Variants in STAG1 observed in about 807,000 individuals in gnomAD.
The protein encoded by STAG1 is cohesin subunit SA-1.
A neutral mutation model predicts 170.9 loss-of-function variants in STAG1; 26 were observed. That is an observed-to-expected ratio of 0.15 (90% CI 0.11 to 0.21). The LOEUF (loss-of-function observed/expected upper bound fraction) is 0.21, where lower values mean the gene tolerates loss of function less well. Among genes scored for constraint, STAG1 ranks in the 10% least tolerant of loss-of-function variants. The pLI is 1.00. For missense variants in STAG1, 964 were observed against 1,509.5 expected (o/e 0.64, Z 5.99); for synonymous variants, 514 against 497.7 (o/e 1.03, Z -0.44).
chr3:136,343,264 CAG>C (rs1466354120), intron 30 of STAG1, among the ~76,000 whole-genome samples: 1 of 152,172 alleles, frequency 6.6e-6, no homozygotes, highest in South Asian at 2.1e-4. Flanking sequence ...CTACAATTTT[CAG>C]AGGTCTGTGT....
chr3:136,673,637 A>C (rs112808127), intron 1 of STAG1, among the ~76,000 whole-genome samples: 177 of 152,262 alleles, frequency 1.2e-3, no homozygotes, highest in African/African-American at 2.5e-3. Context: ...TTATCATAAC[A>C]ATTATCTAAA....
chr3:136,644,941 G>A (rs1435323970), intron 1 of STAG1, among the ~76,000 whole-genome samples: 1 of 151,986 alleles, frequency 6.6e-6, no homozygotes, highest in Non-Finnish European at 1.5e-5. Flanking sequence ...TATTGCCCAG[G>A]CTGGTGTCGA....
chr3:136,485,245 C>T (rs1000869337), intron 9 of STAG1, among the ~76,000 whole-genome samples: 8 of 152,130 alleles, frequency 5.3e-5, no homozygotes, highest in Non-Finnish European at 7.3e-5. Context: ...ATCACGAAGT[C>T]AGGAGATCGA....
chr3:136,646,733 C>A (rs1029836605), intron 1 of STAG1, among the ~76,000 whole-genome samples: 5 of 152,028 alleles, frequency 3.3e-5, no homozygotes, highest in Admixed American at 2.0e-4. Flanking sequence ...TGGTGAAACT[C>A]CGTCTCCAGT....
chr3:136,672,356 T>C (rs1444335912), intron 1 of STAG1, among the ~76,000 whole-genome samples: 1 of 152,198 alleles, frequency 6.6e-6, no homozygotes, highest in Non-Finnish European at 1.5e-5. Flanking sequence ...GAGGGTTAAA[T>C]AATAAAAATA....
chr3:136,443,503 CTTGG>C (rs2088690611), intron 14 of STAG1, 99 bp from the exon 15 acceptor site: 1 of 857,410 alleles, frequency 1.2e-6, no homozygotes, highest in African/African-American at 1.7e-5. Context: ...ATTAAAATGG[CTTGG>C]TTTCCATGAT....
chr3:136,534,905 C>CA (rs1935547798), intron 6 of STAG1, among the ~76,000 whole-genome samples: 1 of 152,054 alleles, frequency 6.6e-6, no homozygotes, highest in Non-Finnish European at 1.5e-5. Flanking sequence ...CGTATTTATC[C>CA]AAAGGAAAAG....
At chr3:136,568,162 C>T (rs1373378817) in intron 5 of STAG1, among the ~76,000 whole-genome samples, 1 of 152,040 alleles carries the variant, frequency 6.6e-6, no homozygotes, top group Non-Finnish European at 1.5e-5. Flanking sequence ...TATTCACAAG[C>T]AGAGAATGGT....
chr3:136,343,983 G>A lies in STAG1; in HGVS notation c.3295C>T (p.Leu1099=). 6.3e-7 allele frequency: 1 copy of A among 1,596,154 alleles called. No homozygotes were observed. The highest frequency in any genetic ancestry group is 8.5e-7 in the Non-Finnish European group (1 of 1,173,856). ...TGAATCATGGTGTCAGTCCTGTTTA[G>A]CCATGTGTTATCCAGACTCTCATCT... ...VEDESLDNTW[L]NRTDTMIQTP... is the part of the protein sequence containing the mutation. Residue 1099 remains leucine, a synonymous_variant, in exon 30 of 34, where the codon CTA becomes TTA. Transcript: ENST00000383202.
At chr3:136,561,173 C>T (rs1180818314) in intron 5 of STAG1, among the ~76,000 whole-genome samples, 1 of 152,112 alleles carries the variant, frequency 6.6e-6, no homozygotes, top group East Asian at 1.9e-4. Context: ...AAAAAATTTC[C>T]CCCACTTGTC....
intron 22 of STAG1, among the ~76,000 whole-genome samples, chr3:136,394,638 G>T (rs555785630): frequency 1.3e-5 from 2 of 151,522 alleles, no homozygotes; most frequent in East Asian, 3.9e-4. Flanking sequence ...GTAGCCAGGC[G>T]TGGCTGGGTG....
At chr3:136,747,092 C>CT (rs1320667274) in intron 1 of STAG1, among the ~76,000 whole-genome samples, 19 of 28,836 alleles carry the variant, frequency 6.6e-4, no homozygotes, top group African/African-American at 1.6e-3. Flanking sequence ...GTGAAACTGT[C>CT]TAAAAAAAAA....
intron 4 of STAG1, among the ~76,000 whole-genome samples, chr3:136,603,364 T>C (rs931996124): frequency 3.3e-5 from 5 of 152,048 alleles, no homozygotes; most frequent in Admixed American, 1.3e-4. Flanking sequence ...AGTATTTATA[T>C]ATTTCACAAT....
intron 1 of STAG1, among the ~76,000 whole-genome samples, chr3:136,728,822 C>T (rs572587046): frequency 2.8e-4 from 43 of 152,174 alleles, no homozygotes; most frequent in Non-Finnish European, 2.9e-5. Flanking sequence ...AATCCTCTTC[C>T]CTAATTTATT....
At chr3:136,590,895 T>C (rs983392014) in intron 4 of STAG1, among the ~76,000 whole-genome samples, 2 of 152,150 alleles carry the variant, frequency 1.3e-5, no homozygotes, top group African/African-American at 2.4e-5. Context: ...TTTATCCAAT[T>C]AGTTATCTGT....
intron 6 of STAG1, 95 bp downstream of exon 6, chr3:136,542,024 C>G: frequency 1.1e-6 from 1 of 916,222 alleles, no homozygotes; most frequent in Non-Finnish European, 1.7e-6. Flanking sequence ...TTCAGTTACA[C>G]TAAACATCAA....
intron 22 of STAG1, among the ~76,000 whole-genome samples, chr3:136,387,451 T>C (rs978481076): frequency 7.2e-5 from 11 of 152,184 alleles, no homozygotes; most frequent in African/African-American, 2.7e-4. Context: ...ACTTTTCACC[T>C]GAAGTAAGTC....
intron 9 of STAG1, chr3:136,500,014 G>A (rs929885415): frequency 3.1e-5 from 14 of 447,686 alleles, no homozygotes; most frequent in Non-Finnish European, 4.9e-5. Context: ...AACAGCATAT[G>A]TTCTGAATTT....
chr3:136,723,908 T>C (rs1253251089), intron 1 of STAG1, among the ~76,000 whole-genome samples: 53 of 76,978 alleles, frequency 6.9e-4, no homozygotes, highest in South Asian at 1.1e-3. Context: ...GCCCGGCCAG[T>C]CGCCCCGTCT....
Sources: allele counts gnomAD v4.1 joint callset (sites outside exome capture counted in the v4.1 genomes callset), GRCh38; gene constraint gnomAD v4.1.1; transcripts MANE v1.5; gene names NCBI Gene and HGNC (gene_info 2026-07-23, HGNC 2026-07-21).